The following COL11A1 variants were observed in gnomAD, a reference collection of about 807,000 sequenced individuals.
The protein encoded by COL11A1 is collagen type XI alpha 1 chain.
A neutral mutation model predicts 265.2 loss-of-function variants in COL11A1; 74 were observed. The ratio of observed to expected loss-of-function variants is 0.28; its 90% CI spans 0.23 to 0.34. The LOEUF (loss-of-function observed/expected upper bound fraction) is 0.34. Among genes scored for constraint, COL11A1 ranks in the 10% least tolerant of loss-of-function variants. The pLI is 1.00. For synonymous variants in COL11A1, 816 were observed against 727.6 expected (o/e 1.12, Z -1.96); for missense variants, 2,165 against 2,263.6 (o/e 0.96, Z 0.88).
chr1:103,028,280 C>T (rs373688618), intron 5 of COL11A1, among the ~76,000 whole-genome samples: 2 of 152,162 alleles, frequency 1.3e-5, no homozygotes, highest in African/African-American at 4.8e-5. Flanking sequence ...GTGATCCGCC[C>T]GCTTCGGCCT....
intron 8 of COL11A1, 72 bp from the exon 9 acceptor site, chr1:103,021,841 T>C: frequency 1.7e-6 from 2 of 1,154,686 alleles, no homozygotes. Flanking sequence ...TTTTCTTCTT[T>C]TTTTTTTTCT....
rs1401184125 is a variant in COL11A1, at chr1:103,108,435, G to A, written c.-257C>T. On this transcript the variant is annotated 5_prime_UTR_variant, in exon 1 of 67. Coordinates refer to ENST00000370096, the MANE Select transcript of COL11A1 (RefSeq NM_001854.4). ...CGACCCTCTGATCCTTCCTCTGCCG[G>A]GCCCTGCCTTCAGAATGAAGGCAGA... The A allele has an allele frequency of 3.3e-6, 2 of 602,186 alleles. No individual in the cohort carries two copies. The highest frequency in any genetic ancestry group is 5.9e-6 in the Non-Finnish European group (2 of 339,408). 37.3% of individuals were successfully genotyped at this position (602,186 alleles called of 1,614,324 possible). A position where few individuals can be genotyped will look rare whatever the true frequency, so the allele number is the denominator to read the frequency against.
At chr1:102,927,880 C>A (rs906545760) in intron 46 of COL11A1, among the ~76,000 whole-genome samples, 6 of 152,030 alleles carry the variant, frequency 3.9e-5, no homozygotes, top group Non-Finnish European at 8.8e-5. Context: ...GTGCTGTTGG[C>A]AGTTGCTTTT....
chr1:103,001,147 A>G, intron 24 of COL11A1: 1 of 397,706 alleles, frequency 2.5e-6, no homozygotes, highest in Non-Finnish European at 4.4e-6. Context: ...GAATATTAAC[A>G]CGAGGATTAT....
intron 1 of COL11A1, 89 bp downstream of exon 1, chr1:103,107,978 TGAAGAG>T: frequency 2.3e-6 from 2 of 871,192 alleles, no homozygotes; most frequent in South Asian, 1.4e-5. Flanking sequence ...TTTTTTTTCT[TGAAGAG>T]CGGGGAGGAA....
intron 36 of COL11A1, among the ~76,000 whole-genome samples, chr1:102,972,470 T>A (rs1394241224): frequency 1.3e-5 from 2 of 152,154 alleles, no homozygotes; most frequent in Non-Finnish European, 2.9e-5. Flanking sequence ...AGTGTTAATA[T>A]ACTGCATTAA....
intron 18 of COL11A1, among the ~76,000 whole-genome samples, chr1:103,005,400 A>C (rs2101848360): frequency 6.6e-6 from 1 of 152,260 alleles, no homozygotes; most frequent in South Asian, 2.1e-4. Context: ...AGTTTTTACC[A>C]TCACCAAAAA....
intron 1 of COL11A1, among the ~76,000 whole-genome samples, chr1:103,096,645 T>C (rs1027207758): frequency 6.6e-6 from 1 of 151,984 alleles, no homozygotes; most frequent in Non-Finnish European, 1.5e-5. Flanking sequence ...AGAGCTACAA[T>C]TAATCAATCA....
At chr1:102,920,220 C>T (rs1194797505) in intron 49 of COL11A1, 91 bp downstream of exon 49, 1 of 1,139,644 alleles carries the variant, frequency 8.8e-7, no homozygotes, top group Non-Finnish European at 1.3e-6. Context: ...GGCTTAGAAA[C>T]ACACATACTA....
chr1:102,913,581 T>C, intron 53 of COL11A1, 56 bp downstream of exon 53: 1 of 1,472,930 alleles, frequency 6.8e-7, no homozygotes, highest in South Asian at 1.1e-5. Flanking sequence ...AATTATCTCA[T>C]TAAAATGCCT....
chr1:102,987,173 C>T (rs1302085479), intron 30 of COL11A1, among the ~76,000 whole-genome samples: 1 of 151,832 alleles, frequency 6.6e-6, no homozygotes, highest in Non-Finnish European at 1.5e-5. Flanking sequence ...AAGAAGTGTT[C>T]ATCTCATAAT....
intron 48 of COL11A1, 71 bp from the exon 49 acceptor site, chr1:102,920,435 AGTT>A: frequency 7.5e-7 from 1 of 1,338,336 alleles, no homozygotes; most frequent in Non-Finnish European, 1.1e-6. Context: ...ACATATGTCT[AGTT>A]GTTCTCAAAA....
chr1:103,062,667 C>A (rs34637912), intron 4 of COL11A1, among the ~76,000 whole-genome samples: 10,996 of 151,974 alleles, frequency 0.072, 569 homozygotes, highest in African/African-American at 0.14. Context: ...AACAGAAGGA[C>A]ATTTTCTCAA....
At chr1:103,026,804 A>G (rs182893733) in intron 5 of COL11A1, among the ~76,000 whole-genome samples, 4 of 152,082 alleles carry the variant, frequency 2.6e-5, no homozygotes, top group Non-Finnish European at 4.4e-5. Context: ...AAGGATTTTC[A>G]TATCTATTGA....
At chr1:102,918,545 A>G (rs75521415) in intron 49 of COL11A1, among the ~76,000 whole-genome samples, 9,002 of 151,670 alleles carry the variant, frequency 0.059, 329 homozygotes, top group Non-Finnish European at 0.085. Context: ...GTAATCTATT[A>G]GAAATTATAC....
chr1:103,003,626 C>A (rs1042106229), intron 20 of COL11A1, among the ~76,000 whole-genome samples: 1 of 152,088 alleles, frequency 6.6e-6, no homozygotes, highest in Non-Finnish European at 1.5e-5. Context: ...ATCAGATATA[C>A]TACATAAATA....
intron 3 of COL11A1, among the ~76,000 whole-genome samples, chr1:103,078,140 C>T (rs1267715770): frequency 1.3e-5 from 2 of 152,028 alleles, no homozygotes; most frequent in East Asian, 3.9e-4. Flanking sequence ...CGACCTCCTA[C>T]AATGTGTTAT....
At position 102,945,482 on chromosome 1, in the gene COL11A1, A is replaced by T. The variant is rs566659049; in HGVS notation, c.3276+1367T>A. Reference sequence around the variant, plus strand: ...CAAACAGAAATATTGGAATAATATCACAGAATAATCAGAGAAAATGCATAG... The same window carrying T: ...CAAACAGAAATATTGGAATAATATCTCAGAATAATCAGAGAAAATGCATAG... On this transcript the variant is annotated intron_variant, in intron 42 of 66. Transcript: ENST00000370096. 2.6e-5 allele frequency among the ~76,000 whole-genome samples: 4 copies of T among 152,210 alleles called. No homozygotes were observed. In the East Asian group the frequency reaches 7.7e-4, roughly 29 times the overall value.
chr1:103,021,579 G>A (rs1021248206), intron 9 of COL11A1, 128 bp downstream of exon 9: 4 of 701,138 alleles, frequency 5.7e-6, no homozygotes, highest in Admixed American at 2.1e-5. Context: ...ACTTATTTGT[G>A]GTGAATTGCA....
Sources: gnomAD v4.1 joint callset for allele counts (sites outside exome capture counted in the v4.1 genomes callset) on GRCh38, gnomAD v4.1.1 for gene constraint, MANE v1.5 for transcripts, NCBI Gene and HGNC (gene_info 2026-07-23, HGNC 2026-07-21) for gene names.